Variants in NRXN3 observed in about 807,000 individuals in gnomAD.
NRXN3 encodes the protein neurexin 3.
A neutral mutation model predicts 137.6 loss-of-function variants in NRXN3; 32 were observed. The ratio of observed to expected loss-of-function variants is 0.23; its 90% confidence interval spans 0.18 to 0.31. The LOEUF (loss-of-function observed/expected upper bound fraction) is 0.31. Ranked by LOEUF, NRXN3 falls within the 10% of genes least tolerant of loss-of-function variation. The pLI is 1.00. For synonymous variants in NRXN3, 798 were observed against 784.5 expected (o/e 1.02, Z -0.29); for missense variants, 1,574 against 2,062.5 (o/e 0.76, Z 4.59).
At chr14:78,458,520 C>G (rs753570188) in intron 4 of NRXN3, among the ~76,000 whole-genome samples, 7 of 152,160 alleles carry the variant, frequency 4.6e-5, no homozygotes, top group Non-Finnish European at 2.9e-5. Context: ...ATATTCTTCA[C>G]GTTTCCTCCT....
At chr14:78,317,930 T>C (rs1344963649) in intron 4 of NRXN3, among the ~76,000 whole-genome samples, 1 of 152,194 alleles carries the variant, frequency 6.6e-6, no homozygotes, top group Non-Finnish European at 1.5e-5. Flanking sequence ...TCCTACAGTA[T>C]ATTGGATTTA....
chr14:79,244,377 C>A (rs1167864425), intron 15 of NRXN3, among the ~76,000 whole-genome samples: 1 of 151,992 alleles, frequency 6.6e-6, no homozygotes, highest in Non-Finnish European at 1.5e-5. Context: ...TCTGGACACA[C>A]ACATAAAAAA....
chr14:79,072,629 G>A (rs1024827312), intron 15 of NRXN3: 4 of 152,164 alleles, frequency 2.6e-5, no homozygotes, highest in Non-Finnish European at 5.9e-5. Flanking sequence ...GTATCAACCA[G>A]TGTGACTTAG....
At chr14:79,772,693 T>C (rs994347911) in intron 19 of NRXN3, among the ~76,000 whole-genome samples, 12 of 152,044 alleles carry the variant, frequency 7.9e-5, no homozygotes, top group African/African-American at 2.9e-4. Flanking sequence ...AACCTAGGCA[T>C]TACCATTCAG....
At chr14:79,101,734 C>T (rs1272429369) in intron 15 of NRXN3, among the ~76,000 whole-genome samples, 1 of 152,174 alleles carries the variant, frequency 6.6e-6, no homozygotes, top group African/African-American at 2.4e-5. Context: ...AAGTCCTAAT[C>T]CCTTGTTCCT....
At chr14:78,688,401 G>A (rs577596797) in intron 6 of NRXN3, among the ~76,000 whole-genome samples, 52 of 152,244 alleles carry the variant, frequency 3.4e-4, no homozygotes, top group African/African-American at 1.2e-3. Context: ...GCAAGAAAAA[G>A]GGAATGCTGA....
chr14:79,772,639 G>A (rs1216094973), intron 19 of NRXN3, among the ~76,000 whole-genome samples: 3 of 152,124 alleles, frequency 2.0e-5, no homozygotes, highest in Admixed American at 6.6e-5. Flanking sequence ...ATATGGATTA[G>A]AGTCTTAAAC....
intron 15 of NRXN3, among the ~76,000 whole-genome samples, chr14:79,258,646 G>T (rs1280926572): frequency 2.0e-5 from 3 of 152,072 alleles, no homozygotes; most frequent in Admixed American, 2.0e-4. Flanking sequence ...TTTCTCTGAG[G>T]GTCAGTTCTT....
intron 15 of NRXN3, among the ~76,000 whole-genome samples, chr14:79,405,095 G>A (rs952527063): frequency 1.3e-5 from 2 of 152,118 alleles, no homozygotes; most frequent in African/African-American, 4.8e-5. Context: ...CAAAAGGCCT[G>A]AAATATTAAC....
At chr14:79,257,373 G>GTGA (rs2076740635) in intron 15 of NRXN3, among the ~76,000 whole-genome samples, 2 of 104,720 alleles carry the variant, frequency 1.9e-5, no homozygotes, top group Non-Finnish European at 4.1e-5. Flanking sequence ...GGTGGTGGTG[G>GTGA]TGGTGGTGGT....
chr14:78,836,185 C>T (rs1474798928), intron 10 of NRXN3, among the ~76,000 whole-genome samples: 3 of 151,998 alleles, frequency 2.0e-5, no homozygotes, highest in Non-Finnish European at 4.4e-5. Context: ...TTCCAGAACA[C>T]AGAGACTTAG....
intron 15 of NRXN3, among the ~76,000 whole-genome samples, chr14:79,183,727 A>G (rs2063205034): frequency 6.6e-6 from 1 of 152,212 alleles, no homozygotes; most frequent in Non-Finnish European, 1.5e-5. Context: ...CTCACTGCTT[A>G]CAACGGCATC....
intron 15 of NRXN3, among the ~76,000 whole-genome samples, chr14:79,030,451 C>T (rs566910275): frequency 6.6e-6 from 1 of 152,120 alleles, no homozygotes; most frequent in South Asian, 2.1e-4. Flanking sequence ...ACAAACCCCT[C>T]CTCTCCACCC....
intron 4 of NRXN3, among the ~76,000 whole-genome samples, chr14:78,634,885 C>A (rs2097554345): frequency 1.3e-5 from 2 of 151,712 alleles, no homozygotes; most frequent in Admixed American, 6.6e-5. Flanking sequence ...TTTTATCAGC[C>A]CCTCATCATT....
intron 16 of NRXN3, among the ~76,000 whole-genome samples, chr14:79,638,344 T>C (rs188690919): frequency 1.3e-5 from 2 of 152,160 alleles, no homozygotes; most frequent in Admixed American, 1.3e-4. Flanking sequence ...GAGTTCTTTT[T>C]CTACTTATGT....
intron 4 of NRXN3, among the ~76,000 whole-genome samples, chr14:78,497,861 A>G (rs149700608): frequency 1.1e-3 from 163 of 152,314 alleles, no homozygotes; most frequent in African/African-American, 3.6e-3. Flanking sequence ...TGGTAATCAA[A>G]TGTATCGAAG....
intron 16 of NRXN3, among the ~76,000 whole-genome samples, chr14:79,659,189 T>G (rs1488178524): frequency 8.3e-6 from 1 of 120,558 alleles, no homozygotes; most frequent in Non-Finnish European, 1.5e-5. Flanking sequence ...TCTGTGCTGT[T>G]CAGTTTTTTT....
chr14:79,845,900 CAG>C (rs1341679387), intron 20 of NRXN3, among the ~76,000 whole-genome samples: 1 of 107,870 alleles, frequency 9.3e-6, no homozygotes, highest in Non-Finnish European at 2.0e-5. Context: ...GAGAGAAAGA[CAG>C]AGAGAGAGAC....
intron 10 of NRXN3, among the ~76,000 whole-genome samples, chr14:78,892,776 GT>G (rs1292053903): frequency 2.3e-5 from 3 of 128,318 alleles, no homozygotes; most frequent in Non-Finnish European, 4.7e-5. Context: ...CCCATCTTCT[GT>G]GTGTGTGTGT....
Sources: gnomAD v4.1 joint callset for allele counts (sites outside exome capture counted in the v4.1 genomes callset) on GRCh38, gnomAD v4.1.1 for gene constraint, MANE v1.5 for transcripts, NCBI Gene and HGNC (gene_info 2026-07-23, HGNC 2026-07-21) for gene names.